TLK2: variants seen among roughly 807,000 people sequenced by gnomAD.
TLK2 encodes tousled like kinase 2, also known as serine/threonine-protein kinase tousled-like 2.
Under a neutral mutation model 117.3 loss-of-function variants are expected in TLK2, and 6 were observed. That is an observed-to-expected ratio of 0.05 (90% confidence interval 0.03 to 0.10). The LOEUF (loss-of-function observed/expected upper bound fraction) is 0.10. Ranked by LOEUF, TLK2 falls within the 10% of genes least tolerant of loss-of-function variation. TLK2 has a pLI of 1.00. For synonymous variants in TLK2, 257 were observed against 316.7 expected (o/e 0.81, Z 2.00); for missense variants, 299 against 901.2 (o/e 0.33, Z 8.56).
intron 7 of TLK2, among the ~76,000 whole-genome samples, chr17:62,547,833 G>A (rs78812116): frequency 6.6e-6 from 1 of 151,578 alleles, no homozygotes; most frequent in East Asian, 1.9e-4. Flanking sequence ...CCCAAAAGCA[G>A]ATCTCTATCC....
chr17:62,567,285 A>G (rs1356286723), intron 11 of TLK2, among the ~76,000 whole-genome samples: 1 of 152,166 alleles, frequency 6.6e-6, no homozygotes, highest in Non-Finnish European at 1.5e-5. Flanking sequence ...TTATAGTAGC[A>G]ATATTTTATC....
At chr17:62,493,132 A>G (rs1268599105) in intron 2 of TLK2, among the ~76,000 whole-genome samples, 16 of 152,128 alleles carry the variant, frequency 1.1e-4, no homozygotes, top group Admixed American at 3.3e-4. Flanking sequence ...AAACCTCCCA[A>G]TAACTCCCCA....
intron 21 of TLK2, among the ~76,000 whole-genome samples, chr17:62,611,645 T>A (rs920248170): frequency 3.8e-4 from 58 of 152,368 alleles, no homozygotes; most frequent in African/African-American, 1.0e-3. Context: ...TAGATTTTTT[T>A]AAATTAATTT....
At chr17:62,568,041 T>G (rs2079945127) in intron 11 of TLK2, among the ~76,000 whole-genome samples, 1 of 152,224 alleles carries the variant, frequency 6.6e-6, no homozygotes, top group Non-Finnish European at 1.5e-5. Flanking sequence ...TTATTCAGTA[T>G]ATCACTTTTT....
chr17:62,594,789 TACACACACACACACACACACACACAC>T (rs143695451), intron 16 of TLK2, among the ~76,000 whole-genome samples: 3 of 145,422 alleles, frequency 2.1e-5, no homozygotes, highest in African/African-American at 5.1e-5. Flanking sequence ...GCAGGGCGGG[TACACACACACACACACACACACACAC>T]ACACACACAC....
chr17:62,589,360 G>C (rs975590488), intron 16 of TLK2, among the ~76,000 whole-genome samples: 4 of 152,084 alleles, frequency 2.6e-5, no homozygotes, highest in African/African-American at 9.7e-5. Flanking sequence ...ATAAAAGTAA[G>C]CATTTTGAAA....
chr17:62,559,526 C>T (rs372500772), intron 9 of TLK2, among the ~76,000 whole-genome samples: 12 of 151,964 alleles, frequency 7.9e-5, no homozygotes, highest in South Asian at 2.1e-4. Context: ...TACAGGCTCC[C>T]GCAACCATGT....
chr17:62,473,482 T>C (rs988084695), intron 1 of TLK2, among the ~76,000 whole-genome samples: 3 of 151,860 alleles, frequency 2.0e-5, no homozygotes, highest in Admixed American at 1.3e-4. Flanking sequence ...ACAAAGGGAG[T>C]TGAGAAAAGC....
Position 62,602,070 on chromosome 17 carries a change from G to T in TLK2, c.1749G>T (p.Ala583=). Residue 583 remains alanine, a synonymous_variant, in exon 19 of 22, where the codon GCG becomes GCT. Transcript: ENST00000346027. ...ATATTCTTTTAGTAAATGGTACAGC[G>T]TGTGGAGAGATAAAAATTACAGATT... ...PGNILLVNGT[A]CGEIKITDFG... The T allele has an allele frequency of 6.2e-7, 1 of 1,612,610 alleles. No individual in the cohort carries two copies. Among genetic ancestry groups the T allele is most frequent in the Non-Finnish European group, 8.5e-7 (1 of 1,179,596 alleles).
intron 1 of TLK2, among the ~76,000 whole-genome samples, chr17:62,471,906 T>TTC (rs1189247218): frequency 1.6e-5 from 2 of 128,038 alleles, no homozygotes; most frequent in East Asian, 4.5e-4. Flanking sequence ...TTTTTTTTTT[T>TTC]TTTTTTTTTT....
At chr17:62,471,818 A>G (rs2070944714) in intron 1 of TLK2, among the ~76,000 whole-genome samples, 1 of 137,260 alleles carries the variant, frequency 7.3e-6, no homozygotes, top group Non-Finnish European at 1.5e-5. Flanking sequence ...CAGGAGGGGG[A>G]GCAGTCCTTT....
chr17:62,586,921 G>C (rs1386855254), intron 16 of TLK2, among the ~76,000 whole-genome samples: 4 of 152,020 alleles, frequency 2.6e-5, no homozygotes, highest in Non-Finnish European at 5.9e-5. Context: ...CCTTCTAGAA[G>C]AGACTGGGGG....
chr17:62,532,224 G>GT (rs895847530), intron 6 of TLK2, among the ~76,000 whole-genome samples: 8 of 151,686 alleles, frequency 5.3e-5, no homozygotes, highest in South Asian at 2.1e-4. Flanking sequence ...TATCTGTATA[G>GT]TTTTTTTCCC....
At chr17:62,505,464 A>C (rs868344220) in intron 2 of TLK2, among the ~76,000 whole-genome samples, 1 of 129,344 alleles carries the variant, frequency 7.7e-6, no homozygotes, top group Non-Finnish European at 1.5e-5. Context: ...ACATTGCTCA[A>C]GCTGTCTTGA....
At chr17:62,516,144 C>G (rs190229105) in intron 2 of TLK2, among the ~76,000 whole-genome samples, 4 of 152,034 alleles carry the variant, frequency 2.6e-5, no homozygotes, top group Non-Finnish European at 5.9e-5. Flanking sequence ...AGGCTGGTCT[C>G]AAACTCCTGA....
intron 1 of TLK2, among the ~76,000 whole-genome samples, chr17:62,473,813 G>A (rs1208118047): frequency 6.6e-6 from 1 of 152,170 alleles, no homozygotes; most frequent in Non-Finnish European, 1.5e-5. Flanking sequence ...TGGTAGTTAC[G>A]ACAGAGACAA....
intron 7 of TLK2, among the ~76,000 whole-genome samples, chr17:62,548,551 G>A (rs1390716910): frequency 2.0e-5 from 3 of 151,818 alleles, no homozygotes; most frequent in Admixed American, 6.6e-5. Flanking sequence ...AAAGTGACAG[G>A]ATTACAGGCA....
At chr17:62,507,340 A>G (rs1042721031) in intron 2 of TLK2, 25 of 152,264 alleles carry the variant, frequency 1.6e-4, no homozygotes, top group African/African-American at 6.0e-4. Flanking sequence ...TATACACATC[A>G]AGGAAGAACT....
intron 14 of TLK2, among the ~76,000 whole-genome samples, chr17:62,578,853 T>C (rs1366325752): frequency 2.0e-5 from 3 of 152,212 alleles, no homozygotes; most frequent in Admixed American, 1.3e-4. Context: ...GCTTTGTAAT[T>C]GTAAATGGTT....
Sources: allele counts gnomAD v4.1 joint callset (sites outside exome capture counted in the v4.1 genomes callset), GRCh38; gene constraint gnomAD v4.1.1; transcripts MANE v1.5; gene names NCBI Gene and HGNC (gene_info 2026-07-23, HGNC 2026-07-21).